The following KDM4C variants were observed in gnomAD, a reference collection of about 807,000 sequenced individuals.
KDM4C encodes lysine demethylase 4C.
Under a neutral mutation model 129.3 loss-of-function variants are expected in KDM4C, and 81 were observed. The ratio of observed to expected loss-of-function variants is 0.63; its 90% CI spans 0.52 to 0.75. The LOEUF (loss-of-function observed/expected upper bound fraction) is 0.75. Ranked by LOEUF, KDM4C falls within the 30% of genes least tolerant of loss-of-function variation. The pLI is 0.00. For missense variants in KDM4C, 1,457 were observed against 1,304.0 expected (o/e 1.12, Z -1.81); for synonymous variants, 573 against 456.1 (o/e 1.26, Z -3.26).
intron 19 of KDM4C, among the ~76,000 whole-genome samples, chr9:7,149,648 G>A (rs1005854583): frequency 1.3e-5 from 2 of 152,218 alleles, no homozygotes; most frequent in Admixed American, 6.5e-5. Context: ...TTATTGAAAC[G>A]TAATGCATAA....
chr9:7,050,447 A>C (rs10976009), intron 17 of KDM4C, among the ~76,000 whole-genome samples: 1 of 134,064 alleles, frequency 7.5e-6, no homozygotes, highest in African/African-American at 3.0e-5. Context: ...ATTACCAAAA[A>C]AAAAAAAAGA....
chr9:6,734,618 T>C (rs977121628), intron 1 of KDM4C: 3 of 253,326 alleles, frequency 1.2e-5, no homozygotes, highest in Non-Finnish European at 1.5e-5. Flanking sequence ...TCTTGCCCTT[T>C]ATTAGCATTT....
At chr9:7,053,229 G>A (rs1010384230) in intron 17 of KDM4C, among the ~76,000 whole-genome samples, 2 of 152,142 alleles carry the variant, frequency 1.3e-5, no homozygotes, top group African/African-American at 4.8e-5. Context: ...TTATGCAGAG[G>A]TATTTGAATA....
At chr9:7,169,151 C>G (rs1013682447) in intron 20 of KDM4C, among the ~76,000 whole-genome samples, 4 of 151,784 alleles carry the variant, frequency 2.6e-5, no homozygotes, top group Non-Finnish European at 5.9e-5. Context: ...ATGAACCGTG[C>G]TGACAGACCC....
At chr9:6,806,292 C>G (rs1333599011) in intron 3 of KDM4C, among the ~76,000 whole-genome samples, 1 of 152,062 alleles carries the variant, frequency 6.6e-6, no homozygotes, top group Non-Finnish European at 1.5e-5. Context: ...GTCGGGAGTT[C>G]AAGACCAGTC....
chr9:6,893,322 A>T (rs1846371096), intron 8 of KDM4C, 90 bp downstream of exon 8: 8 of 1,048,538 alleles, frequency 7.6e-6, no homozygotes, highest in Non-Finnish European at 1.1e-5. Context: ...GCATTTATTT[A>T]TTCTTCCTCA....
intron 1 of KDM4C, among the ~76,000 whole-genome samples, chr9:6,729,318 A>G (rs1588034965): frequency 7.6e-6 from 1 of 131,396 alleles, no homozygotes; most frequent in Admixed American, 8.3e-5. Flanking sequence ...AGGCAGGTGG[A>G]ATGCTTGAGT....
intron 3 of KDM4C, among the ~76,000 whole-genome samples, chr9:6,806,916 C>G (rs895957646): frequency 2.0e-5 from 3 of 148,776 alleles, no homozygotes; most frequent in Admixed American, 6.7e-5. Context: ...CCCTCTCCCT[C>G]TCCGTCTCCC....
chr9:7,059,985 G>A (rs140590916), intron 17 of KDM4C, among the ~76,000 whole-genome samples: 1 of 152,036 alleles, frequency 6.6e-6, no homozygotes, highest in Non-Finnish European at 1.5e-5. Flanking sequence ...GTATAAAAGA[G>A]TCCGGATACC....
intron 17 of KDM4C, among the ~76,000 whole-genome samples, chr9:7,097,973 G>C (rs1051413344): frequency 6.6e-6 from 1 of 152,198 alleles, no homozygotes; most frequent in Non-Finnish European, 1.5e-5. Context: ...CTGCTACTTG[G>C]CTTAAAAGGT....
At position 6,731,318 on chromosome 9, in the gene KDM4C, T is replaced by G. The variant is rs530893961; in HGVS notation, c.49+10321T>G. On this transcript the variant is annotated intron_variant, in intron 1 of 17. Transcript: ENST00000536108. Reference sequence around the variant, plus strand: ...CATTTAACAGAAGCAACTACATTTTTTTTTTGCTTTTTTTTTTTTTTTTTT... The same window carrying G: ...CATTTAACAGAAGCAACTACATTTTGTTTTTGCTTTTTTTTTTTTTTTTTT... Among the ~76,000 whole-genome samples the G allele has an allele frequency of 1.7e-4, 21 of 126,442 alleles. No homozygotes were observed. The East Asian group carries it at 4.3e-3, about 26-fold the overall frequency. The allele number at this position is 126,442 out of a possible 152,430, so 83.0% of individuals were successfully genotyped here.
chr9:7,013,883 G>T lies in KDM4C; in HGVS notation c.2064G>T (p.Glu688Asp), dbSNP rs769832045. The T allele has an allele frequency of 1.9e-6, 3 of 1,613,928 alleles. No individual in the cohort carries two copies. Among genetic ancestry groups the T allele is most frequent in the Non-Finnish European group, 2.5e-6 (3 of 1,179,860 alleles). ...GAAAGACTAAGCCCCTCATACCAGA[G>T]ATGTGTTTTATTTATAGTGAAGAAA... ...SEGKTKPLIP[E>D]MCFIYSEENI... Residue 688 changes from glutamate to aspartate, a missense_variant, in exon 14 of 22, where the codon GAG becomes GAT. Transcript: ENST00000381309.
At chr9:6,913,013 A>AATAAAAT (rs1819611362) in intron 8 of KDM4C, among the ~76,000 whole-genome samples, 1 of 152,226 alleles carries the variant, frequency 6.6e-6, no homozygotes, top group East Asian at 1.9e-4. Flanking sequence ...AAAAATAAAA[A>AATAAAAT]ATAAAAAGCA....
At chr9:7,013,278 T>G (rs1414050416) in intron 13 of KDM4C, among the ~76,000 whole-genome samples, 1 of 152,212 alleles carries the variant, frequency 6.6e-6, no homozygotes, top group East Asian at 1.9e-4. Flanking sequence ...TAATTTTGTT[T>G]GATACATTAT....
intron 1 of KDM4C, among the ~76,000 whole-genome samples, chr9:6,760,951 A>G (rs779026506): frequency 6.6e-6 from 1 of 151,252 alleles, no homozygotes; most frequent in Admixed American, 6.6e-5. Context: ...CCAGTTCTCT[A>G]AAGTGGGGCT....
chr9:7,096,948 G>A (rs1836509486), intron 17 of KDM4C, among the ~76,000 whole-genome samples: 1 of 152,142 alleles, frequency 6.6e-6, no homozygotes, highest in South Asian at 2.1e-4. Context: ...ACAGTCCAAG[G>A]CCTTTCAGGA....
At chr9:6,938,676 G>T (rs1350745679) in intron 8 of KDM4C, among the ~76,000 whole-genome samples, 1 of 152,162 alleles carries the variant, frequency 6.6e-6, no homozygotes, top group African/African-American at 2.4e-5. Context: ...AGAGCCTTTT[G>T]AAGAGTTGTG....
At chr9:6,878,117 A>T (rs950797443) in intron 5 of KDM4C, among the ~76,000 whole-genome samples, 6 of 152,202 alleles carry the variant, frequency 3.9e-5, no homozygotes, top group African/African-American at 1.2e-4. Flanking sequence ...ATTTTTGCCC[A>T]GTTGTGCTTC....
intron 1 of KDM4C, among the ~76,000 whole-genome samples, chr9:6,773,526 C>T (rs550402280): frequency 1.3e-5 from 2 of 152,228 alleles, no homozygotes; most frequent in South Asian, 4.1e-4. Context: ...AATCCCAGCA[C>T]TTTGGGAGGC....
Sources: allele counts gnomAD v4.1 joint callset (sites outside exome capture counted in the v4.1 genomes callset), GRCh38; gene constraint gnomAD v4.1.1; transcripts MANE v1.5; gene names NCBI Gene and HGNC (gene_info 2026-07-23, HGNC 2026-07-21).